The following MICU1 variants were observed in gnomAD, a reference collection of about 807,000 sequenced individuals.
The protein encoded by MICU1 is calcium uptake protein 1, mitochondrial.
MICU1 carries 45 observed loss-of-function variants against 56.8 expected under a neutral mutation model. That is an observed-to-expected ratio of 0.79 (90% CI 0.62 to 1.02). The LOEUF (loss-of-function observed/expected upper bound fraction) is 1.02. MICU1 is among the 50% of genes least tolerant of loss of function. The pLI is 0.00. For synonymous variants in MICU1, 186 were observed against 195.1 expected (o/e 0.95, Z 0.39); for missense variants, 504 against 587.1 (o/e 0.86, Z 1.46).
chr10:72,546,927 T>TGCA (rs1270474432), intron 4 of MICU1, among the ~76,000 whole-genome samples: 6 of 150,974 alleles, frequency 4.0e-5, no homozygotes, highest in African/African-American at 1.5e-4. Flanking sequence ...AGTCTCGCTC[T>TGCA]GTCGCCCAGG....
chr10:72,423,273 G>A lies in MICU1; in HGVS notation c.1032C>T (p.Ala344=). Reference sequence around the variant, plus strand: ...AGTGCTTCTTGAGCTGCCTCTGCATGGCGGTCAGCTTCTTGGACTGCACCC... The same window carrying A: ...AGTGCTTCTTGAGCTGCCTCTGCATAGCGGTCAGCTTCTTGGACTGCACCC... ...YSGVQSKKLT[A]MQRQLKKHFK... is the part of the protein sequence containing the mutation. Residue 344 remains alanine, a synonymous_variant, in exon 9 of 12, where the codon GCC becomes GCT. Transcript: ENST00000361114. The A allele has an allele frequency of 6.2e-7, 1 of 1,613,926 alleles. No individual in the cohort carries two copies. Among genetic ancestry groups the A allele is most frequent in the Non-Finnish European group, 8.5e-7 (1 of 1,179,852 alleles).
intron 6 of MICU1, among the ~76,000 whole-genome samples, chr10:72,482,894 C>T (rs930081757): frequency 6.6e-6 from 1 of 151,204 alleles, no homozygotes; most frequent in African/African-American, 2.4e-5. Flanking sequence ...CTTGCTCTGT[C>T]GCCCAGGTTG....
intron 10 of MICU1, among the ~76,000 whole-genome samples, chr10:72,386,045 C>A (rs1305182890): frequency 1.3e-5 from 2 of 152,182 alleles, no homozygotes; most frequent in South Asian, 2.1e-4. Context: ...CCCTGAACTC[C>A]GGATGAAAAT....
At chr10:72,371,219 A>G (rs2132029265) in intron 11 of MICU1, among the ~76,000 whole-genome samples, 1 of 148,722 alleles carries the variant, frequency 6.7e-6, no homozygotes, top group Non-Finnish European at 1.5e-5. Flanking sequence ...CCTCGTCTCT[A>G]CTAAAAATAC....
chr10:72,519,563 C>T lies in MICU1; in HGVS notation c.538-11294G>A, dbSNP rs1169985979. On this transcript the variant is annotated intron_variant, in intron 5 of 11. Transcript: ENST00000361114. ...ATGACTTTATGCTGAAGCACTCACA[C>T]TTTAGTTTCTGACCAATCACATAAA... is the stretch of plus-strand genomic sequence containing the variant. Among the ~76,000 whole-genome samples the T allele has an allele frequency of 3.9e-5, 6 of 152,168 alleles. No individual in the cohort carries two copies. In the South Asian group the frequency reaches 8.3e-4, roughly 21 times the overall value.
At chr10:72,467,166 T>G (rs767844520) in intron 8 of MICU1, among the ~76,000 whole-genome samples, 1 of 151,902 alleles carries the variant, frequency 6.6e-6, no homozygotes, top group Non-Finnish European at 1.5e-5. Flanking sequence ...GTCTGACTAA[T>G]TTTCTGGTTT....
intron 8 of MICU1, among the ~76,000 whole-genome samples, chr10:72,424,513 T>G (rs574143332): frequency 6.6e-6 from 1 of 152,072 alleles, no homozygotes; most frequent in African/African-American, 2.4e-5. Context: ...GATGGGGGTC[T>G]TGCTATGTTG....
At chr10:72,389,662 G>A (rs1057205606) in intron 10 of MICU1, among the ~76,000 whole-genome samples, 1 of 152,166 alleles carries the variant, frequency 6.6e-6, no homozygotes, top group Admixed American at 6.5e-5. Context: ...AAAGTACACC[G>A]AGGACGTAAC....
chr10:72,441,849 C>T (rs1481649860), intron 8 of MICU1, among the ~76,000 whole-genome samples: 1 of 151,956 alleles, frequency 6.6e-6, no homozygotes, highest in East Asian at 1.9e-4. Context: ...AACTCCTGTA[C>T]TCAAGTGATC....
chr10:72,387,019 T>C (rs1177369047), intron 10 of MICU1, among the ~76,000 whole-genome samples: 1 of 152,228 alleles, frequency 6.6e-6, no homozygotes, highest in African/African-American at 2.4e-5. Flanking sequence ...AGTCTTGCTC[T>C]TACTTCAAAT....
intron 1 of MICU1, among the ~76,000 whole-genome samples, chr10:72,611,670 C>T (rs1841853447): frequency 6.6e-6 from 1 of 152,002 alleles, no homozygotes; most frequent in Non-Finnish European, 1.5e-5. Context: ...CCAGTTTTGA[C>T]GAGAGGTACA....
intron 8 of MICU1, among the ~76,000 whole-genome samples, chr10:72,461,006 C>A (rs537667243): frequency 5.3e-5 from 8 of 152,000 alleles, no homozygotes; most frequent in African/African-American, 1.9e-4. Context: ...ACTCAGACAC[C>A]GTGGACATCA....
intron 4 of MICU1, among the ~76,000 whole-genome samples, chr10:72,544,996 T>C (rs1386580710): frequency 2.0e-5 from 3 of 152,214 alleles, no homozygotes; most frequent in Non-Finnish European, 4.4e-5. Flanking sequence ...TTGGGTATCC[T>C]GGGATACAGT....
intron 1 of MICU1, among the ~76,000 whole-genome samples, chr10:72,584,266 G>A: frequency 6.6e-6 from 1 of 151,808 alleles, no homozygotes; most frequent in Non-Finnish European, 1.5e-5. Context: ...CTTAACGTCT[G>A]GTGAAGGAAG....
intron 8 of MICU1, among the ~76,000 whole-genome samples, chr10:72,450,338 A>C (rs1056091906): frequency 2.0e-5 from 3 of 151,922 alleles, no homozygotes; most frequent in Admixed American, 6.6e-5. Context: ...TAGTGGTGCA[A>C]AGGCTCTTAG....
intron 10 of MICU1, among the ~76,000 whole-genome samples, chr10:72,377,294 A>G (rs1248649576): frequency 6.6e-6 from 1 of 151,774 alleles, no homozygotes; most frequent in Non-Finnish European, 1.5e-5. Context: ...TAATTTTTAT[A>G]TTTTTAGTAG....
chr10:72,435,402 A>AG (rs1206313464), intron 8 of MICU1, among the ~76,000 whole-genome samples: 1 of 151,270 alleles, frequency 6.6e-6, no homozygotes, highest in Non-Finnish European at 1.5e-5. Flanking sequence ...AAAAAAAAAA[A>AG]AAAAAAAAAG....
intron 9 of MICU1, among the ~76,000 whole-genome samples, chr10:72,422,872 G>A (rs1864222082): frequency 3.2e-5 from 1 of 31,480 alleles, no homozygotes; most frequent in South Asian, 5.9e-4. Context: ...ACCATGCCCA[G>A]CTAATTTTTG....
intron 7 of MICU1, among the ~76,000 whole-genome samples, chr10:72,476,058 C>G (rs2132270610): frequency 6.6e-6 from 1 of 151,980 alleles, no homozygotes. Context: ...GAAACCCCAT[C>G]TCTACTAAAA....
Sources: allele counts gnomAD v4.1 joint callset (sites outside exome capture counted in the v4.1 genomes callset), GRCh38; gene constraint gnomAD v4.1.1; transcripts MANE v1.5; gene names NCBI Gene and HGNC (gene_info 2026-07-23, HGNC 2026-07-21).